PCSK5: variants seen among roughly 807,000 people sequenced by gnomAD.
PCSK5 encodes proprotein convertase subtilisin/kexin type 5.
A neutral mutation model predicts 233.2 loss-of-function variants in PCSK5; 129 were observed. The ratio of observed to expected loss-of-function variants is 0.55; its 90% confidence interval spans 0.48 to 0.64. The LOEUF (loss-of-function observed/expected upper bound fraction) is 0.64, where lower values mean the gene tolerates loss of function less well. PCSK5 is among the 30% of genes least tolerant of loss of function. The pLI, the probability that PCSK5 is intolerant of heterozygous loss-of-function variation, is 0.00. For synonymous variants in PCSK5, 825 were observed against 879.2 expected (o/e 0.94, Z 1.09); for missense variants, 2,076 against 2,430.1 (o/e 0.85, Z 3.06).
Position 75,972,851 on chromosome 9 carries a change from C to T in PCSK5, c.298-13281C>T, listed in dbSNP as rs772938144. ...AGCTTTTAGTAAAGTGTTTGAATGG[C>T]GTTGATTAATCTCCAGGCTTTGAAA... On this transcript the variant is annotated intron_variant, in intron 2 of 37. Coordinates refer to ENST00000674117, the MANE Select transcript of PCSK5 (RefSeq NM_001372043.1). Among the ~76,000 whole-genome samples, 13 of 152,236 alleles carry T rather than the reference C, an allele frequency of 8.5e-5. No individual in the cohort carries two copies. In the South Asian group the frequency reaches 2.1e-3, roughly 24 times the overall value.
At chr9:76,038,352 C>T (rs1439658759) in intron 5 of PCSK5, among the ~76,000 whole-genome samples, 1 of 152,124 alleles carries the variant, frequency 6.6e-6, no homozygotes, top group Non-Finnish European at 1.5e-5. Context: ...GCAGTTGCCT[C>T]GGTCTTGGGA....
Position 76,274,919 on chromosome 9 carries a change from G to A in PCSK5, c.3143-17314G>A, listed in dbSNP as rs540788380. On this transcript the variant is annotated intron_variant, in intron 24 of 37. Transcript: ENST00000674117. ...CCACTCATGGTGGAAGGGGGAGAAA[G>A]CAAGGGGAGGGGAGGCACCAGGCTC... Among the ~76,000 whole-genome samples the A allele has an allele frequency of 3.3e-5, 5 of 152,150 alleles. No individual in the cohort carries two copies. The South Asian group carries it at 6.2e-4, about 19-fold the overall frequency.
intron 24 of PCSK5, among the ~76,000 whole-genome samples, chr9:76,267,761 T>C (rs926377484): frequency 2.0e-5 from 3 of 152,150 alleles, no homozygotes; most frequent in African/African-American, 7.2e-5. Flanking sequence ...ACAGTCTGAG[T>C]CTTCACTTAT....
intron 8 of PCSK5, among the ~76,000 whole-genome samples, chr9:76,106,443 T>G (rs1302527680): frequency 1.3e-5 from 2 of 152,196 alleles, no homozygotes; most frequent in Non-Finnish European, 2.9e-5. Context: ...AAACAAAGGT[T>G]GAGAAACATT....
intron 24 of PCSK5, among the ~76,000 whole-genome samples, chr9:76,270,348 G>A (rs915160055): frequency 2.0e-5 from 3 of 152,170 alleles, no homozygotes; most frequent in Non-Finnish European, 4.4e-5. Context: ...GGGAATGGAA[G>A]GTTGTGTTTG....
chr9:76,256,981 C>A (rs1359632228), intron 24 of PCSK5, among the ~76,000 whole-genome samples: 2 of 152,218 alleles, frequency 1.3e-5, no homozygotes, highest in African/African-American at 4.8e-5. Flanking sequence ...GTGCTCATAT[C>A]TTGAGTTCTT....
intron 20 of PCSK5, among the ~76,000 whole-genome samples, chr9:76,211,718 C>T (rs1016459486): frequency 2.0e-5 from 3 of 152,192 alleles, no homozygotes; most frequent in Admixed American, 1.3e-4. Flanking sequence ...CATGGCGGTG[C>T]ACGCCTGTGG....
chr9:75,988,983 G>A (rs1160936866), intron 3 of PCSK5, among the ~76,000 whole-genome samples: 1 of 152,198 alleles, frequency 6.6e-6, no homozygotes, highest in African/African-American at 2.4e-5. Flanking sequence ...TGGCAGAATG[G>A]TGGGTCCCCT....
At chr9:76,111,662 T>C (rs1339835875) in intron 9 of PCSK5, among the ~76,000 whole-genome samples, 6 of 152,146 alleles carry the variant, frequency 3.9e-5, no homozygotes, top group Non-Finnish European at 8.8e-5. Flanking sequence ...AGGATATCAT[T>C]TGGGCGATTG....
intron 7 of PCSK5, among the ~76,000 whole-genome samples, chr9:76,072,572 A>G (rs182645745): frequency 1.3e-5 from 2 of 152,322 alleles, no homozygotes; most frequent in East Asian, 1.9e-4. Flanking sequence ...ACCAGAAGTA[A>G]TGTCTTTTTC....
At chr9:76,215,389 G>C (rs529554350) in intron 20 of PCSK5, among the ~76,000 whole-genome samples, 3 of 152,176 alleles carry the variant, frequency 2.0e-5, no homozygotes, top group African/African-American at 7.2e-5. Flanking sequence ...GGAAAGGCAG[G>C]CTTCCTGAGC....
chr9:76,060,313 C>A (rs1462620273), intron 5 of PCSK5, among the ~76,000 whole-genome samples: 1 of 152,110 alleles, frequency 6.6e-6, no homozygotes, highest in Non-Finnish European at 1.5e-5. Flanking sequence ...TTGTATGTTA[C>A]ATGTATTATA....
chr9:76,209,308 C>T (rs1364605510), intron 20 of PCSK5, among the ~76,000 whole-genome samples: 1 of 152,176 alleles, frequency 6.6e-6, no homozygotes. Context: ...CCTATCGCTA[C>T]CCCTTACCAG....
chr9:76,058,112 A>T (rs1416593916), intron 5 of PCSK5, among the ~76,000 whole-genome samples: 2 of 152,112 alleles, frequency 1.3e-5, no homozygotes, highest in Non-Finnish European at 2.9e-5. Flanking sequence ...GCCCCAAAAA[A>T]CTGCAAGGAT....
At chr9:76,024,053 G>A (rs1055803326) in intron 4 of PCSK5, among the ~76,000 whole-genome samples, 172 bp downstream of exon 4, 7 of 152,186 alleles carry the variant, frequency 4.6e-5, no homozygotes, top group Non-Finnish European at 1.0e-4. Context: ...GGAAGCATGA[G>A]ATAACCCTTT....
chr9:76,163,385 C>T (rs1822953109), intron 12 of PCSK5, among the ~76,000 whole-genome samples: 1 of 152,196 alleles, frequency 6.6e-6, no homozygotes, highest in Non-Finnish European at 1.5e-5. Flanking sequence ...CCCCAAGCAT[C>T]TGCAGGTGCT....
Position 76,239,668 on chromosome 9 carries a change from C to T in PCSK5, c.3073+503C>T, listed in dbSNP as rs1413949923. On this transcript the variant is annotated intron_variant, in intron 23 of 37. Transcript: ENST00000674117. ...CCGAGATCACACCACCGCACTCCAG[C>T]CTGGGAGACAGAGCAAGACTCCATC... 2.7e-5 allele frequency among the ~76,000 whole-genome samples: 4 copies of T among 147,444 alleles called. No homozygotes were observed. In the Admixed American group the frequency reaches 2.7e-4, roughly 10 times the overall value.
intron 20 of PCSK5, among the ~76,000 whole-genome samples, chr9:76,204,007 A>T (rs77378396): frequency 0.066 from 10,093 of 152,196 alleles, 1,077 homozygotes; most frequent in African/African-American, 0.23. Context: ...CATTTTGAGG[A>T]TTAAATGACA....
At chr9:76,351,376 T>G (rs1830117069) in intron 36 of PCSK5, among the ~76,000 whole-genome samples, 1 of 151,008 alleles carries the variant, frequency 6.6e-6, no homozygotes, top group African/African-American at 2.4e-5. Context: ...AAGAATTCAT[T>G]TGCAGTGTTA....
Sources: gnomAD v4.1 joint callset for allele counts (sites outside exome capture counted in the v4.1 genomes callset) on GRCh38, gnomAD v4.1.1 for gene constraint, MANE v1.5 for transcripts, NCBI Gene and HGNC (gene_info 2026-07-23, HGNC 2026-07-21) for gene names.